CLASP1: variants seen among roughly 807,000 people sequenced by gnomAD.
CLASP1 encodes the protein cytoplasmic linker associated protein 1.
CLASP1 carries 38 observed loss-of-function variants against 192.3 expected under a neutral mutation model. That is an observed-to-expected ratio of 0.20 (90% CI 0.15 to 0.26). The LOEUF is 0.26. Ranked by LOEUF, CLASP1 falls within the 10% of genes least tolerant of loss-of-function variation. The pLI, the probability that CLASP1 is intolerant of heterozygous loss-of-function variation, is 1.00. For missense variants in CLASP1, 1,433 were observed against 1,932.5 expected (o/e 0.74, Z 4.85); for synonymous variants, 691 against 712.8 (o/e 0.97, Z 0.49).
chr2:121,523,650 C>T (rs1367958615), intron 6 of CLASP1, among the ~76,000 whole-genome samples: 3 of 152,152 alleles, frequency 2.0e-5, no homozygotes, highest in South Asian at 2.1e-4. Context: ...AAATCTACAC[C>T]GAGTCCATGA....
At chr2:121,456,127 T>G (rs1345356462) in intron 14 of CLASP1, among the ~76,000 whole-genome samples, 1 of 152,110 alleles carries the variant, frequency 6.6e-6, no homozygotes, top group Non-Finnish European at 1.5e-5. Flanking sequence ...AGAGCTTGAT[T>G]TAACCATTAC....
intron 22 of CLASP1, 128 bp from the exon 23 acceptor site, chr2:121,418,857 C>G: frequency 4.5e-6 from 3 of 660,650 alleles, no homozygotes; most frequent in South Asian, 3.6e-5. Context: ...GTTCTGATGA[C>G]TGAGCCACCT....
intron 2 of CLASP1, among the ~76,000 whole-genome samples, chr2:121,595,474 C>T (rs2063024541): frequency 6.6e-6 from 1 of 152,364 alleles, no homozygotes; most frequent in East Asian, 1.9e-4. Flanking sequence ...TCTGCCTTGA[C>T]ATTCAATTTA....
chr2:121,452,728 T>C (rs915079496), intron 14 of CLASP1, among the ~76,000 whole-genome samples: 2 of 151,980 alleles, frequency 1.3e-5, no homozygotes, highest in African/African-American at 2.4e-5. Flanking sequence ...GAGGCAGAGG[T>C]TGCAGTGAGC....
exon 17 of CLASP1, chr2:121,449,072 C>T (rs1277437391): frequency 1.9e-6 from 3 of 1,613,840 alleles, no homozygotes; most frequent in Non-Finnish European, 2.5e-6. Flanking sequence ...AGGTGTGGTA[C>T]AAGTGCTCTG....
At chr2:121,375,021 G>A (rs551655044) in intron 34 of CLASP1, among the ~76,000 whole-genome samples, 1 of 152,146 alleles carries the variant, frequency 6.6e-6, no homozygotes, top group African/African-American at 2.4e-5. Flanking sequence ...GGGGCCGGGG[G>A]TAGAATGATA....
exon 17 of CLASP1, chr2:121,449,083 C>T: frequency 1.9e-6 from 3 of 1,613,960 alleles, no homozygotes; most frequent in Non-Finnish European, 2.5e-6. Context: ...AAGTGCTCTG[C>T]TTCTCTGCTG....
At chr2:121,582,997 G>A (rs1192579190) in intron 2 of CLASP1, among the ~76,000 whole-genome samples, 1 of 151,882 alleles carries the variant, frequency 6.6e-6, no homozygotes, top group Non-Finnish European at 1.5e-5. Context: ...TGTTGGCAAG[G>A]CTGGCCTCAA....
intron 2 of CLASP1, among the ~76,000 whole-genome samples, chr2:121,539,730 C>T (rs2095186560): frequency 6.6e-6 from 1 of 152,174 alleles, no homozygotes; most frequent in Non-Finnish European, 1.5e-5. Flanking sequence ...AAATAAGCAA[C>T]AACAGGCTTG....
chr2:121,454,730 A>G (rs2086256339), intron 14 of CLASP1, among the ~76,000 whole-genome samples: 1 of 152,196 alleles, frequency 6.6e-6, no homozygotes, highest in East Asian at 1.9e-4. Context: ...TCCCCTAAAC[A>G]TCTTGCAATG....
At chr2:121,527,926 G>C (rs754162526) in intron 4 of CLASP1, 36 bp from the exon 5 acceptor site, 2 of 1,541,058 alleles carry the variant, frequency 1.3e-6, no homozygotes, top group Admixed American at 1.7e-5. Flanking sequence ...GAAAGGAGAA[G>C]ACTGCTGCAG....
Position 121,591,484 on chromosome 2 carries a change from C to T in CLASP1, c.195+14217G>A, listed in dbSNP as rs115628120. ...CACTGCTGCGGTGTGTGGGTGAGACCCAGACACCTCTCCCTGAGGTCTTTC... is the reference window on the plus strand; with the variant it reads ...CACTGCTGCGGTGTGTGGGTGAGACTCAGACACCTCTCCCTGAGGTCTTTC... On this transcript the variant is annotated intron_variant, in intron 2 of 39. Coordinates refer to ENST00000263710, the Ensembl canonical transcript of CLASP1. Among the ~76,000 whole-genome samples the T allele has an allele frequency of 4.9e-3, 748 of 152,206 alleles. 9 individuals are homozygous for T. Among genetic ancestry groups the T allele is most frequent in the African/African-American group, 0.017 (725 of 41,528 alleles).
At chr2:121,524,920 C>T (rs1265996077) in intron 6 of CLASP1, among the ~76,000 whole-genome samples, 1 of 151,986 alleles carries the variant, frequency 6.6e-6, no homozygotes, top group Non-Finnish European at 1.5e-5. Context: ...GAACTAAGAG[C>T]ACGATAAGGA....
chr2:121,546,665 G>A (rs2057461096), intron 2 of CLASP1, among the ~76,000 whole-genome samples: 1 of 152,068 alleles, frequency 6.6e-6, no homozygotes, highest in Non-Finnish European at 1.5e-5. Context: ...CTGACACAGA[G>A]CTACATGGAA....
intron 8 of CLASP1, among the ~76,000 whole-genome samples, chr2:121,486,137 T>C (rs2092957368): frequency 2.6e-5 from 4 of 152,206 alleles, no homozygotes; most frequent in Admixed American, 2.6e-4. Context: ...ACTGGGTGAC[T>C]ATAATTATAG....
chr2:121,621,300 G>T (rs2067307108), intron 1 of CLASP1, among the ~76,000 whole-genome samples: 1 of 152,006 alleles, frequency 6.6e-6, no homozygotes, highest in Non-Finnish European at 1.5e-5. Context: ...TCTAAGAGTT[G>T]TTTTTTTCTT....
intron 6 of CLASP1, 60 bp downstream of exon 6, chr2:121,525,785 G>A: frequency 8.4e-7 from 1 of 1,184,706 alleles, no homozygotes; most frequent in East Asian, 2.4e-5. Context: ...CGGAACACCA[G>A]AATGCATCTC....
chr2:121,641,067 G>T (rs893855328), intron 1 of CLASP1, among the ~76,000 whole-genome samples: 1 of 152,222 alleles, frequency 6.6e-6, no homozygotes, highest in Non-Finnish European at 1.5e-5. Context: ...AGAAGGAGCT[G>T]TTTTTATGCA....
intron 37 of CLASP1, among the ~76,000 whole-genome samples, chr2:121,361,769 G>A (rs1335565688): frequency 1.1e-4 from 16 of 152,108 alleles, no homozygotes; most frequent in Admixed American, 7.9e-4. Context: ...TGGTCTTCAC[G>A]TTTTTTAAAT....
Sources: gnomAD v4.1 joint callset for allele counts (sites outside exome capture counted in the v4.1 genomes callset) on GRCh38, gnomAD v4.1.1 for gene constraint, MANE v1.5 for transcripts, NCBI Gene and HGNC (gene_info 2026-07-23, HGNC 2026-07-21) for gene names.